Variants in RAB40B observed in about 807,000 individuals in gnomAD.
RAB40B encodes the protein ras-related protein Rab-40B.
Under a neutral mutation model 24.0 loss-of-function variants are expected in RAB40B, and 21 were observed. The ratio of observed to expected loss-of-function variants is 0.88; its 90% confidence interval spans 0.62 to 1.26. The LOEUF (loss-of-function observed/expected upper bound fraction) is 1.26, where lower values mean the gene tolerates loss of function less well. RAB40B is among the 50% of genes most tolerant of loss of function. The pLI is 0.00. For missense variants in RAB40B, 348 were observed against 390.5 expected, an observed-to-expected ratio of 0.89 and a Z score of 0.92; for synonymous variants, 167 against 169.8, an observed-to-expected ratio of 0.98 and a Z score of 0.13.
In RAB40B at chr17:82,657,898, TG is replaced by T. The variant is rs764520009; in HGVS notation, c.801del (p.Asn269ThrfsTer83). Reference protein sequence around the residue: ...VKLVRPPQSPPKNCTRNSCKI... With the variant: ...VKLVRPPQSPXKNCTRNSCKI... ...TTGCAGCTGTTTCTGGTGCAGTTTT[TG>T]GGGGGGCTCTGGGGGGGGCGGACGA... On this transcript the variant is annotated frameshift_variant, in exon 6 of 6. Coordinates refer to ENST00000571995, the MANE Select transcript of RAB40B (RefSeq NM_006822.3). LOFTEE classifies it low-confidence loss of function (END_TRUNC). 3 of 462,686 alleles carry T rather than the reference TG, an allele frequency of 6.5e-6. No homozygotes were observed. Among genetic ancestry groups the T allele is most frequent in the Non-Finnish European group, 9.5e-6 (3 of 316,660 alleles). The allele number at this position is 462,686 out of a possible 1,614,324, so 28.7% of individuals were successfully genotyped here. A position where few individuals can be genotyped will look rare whatever the true frequency, so the allele number is the denominator to read the frequency against.
Position 82,692,963 on chromosome 17 carries a change from A to T in RAB40B, c.142+5492T>A, listed in dbSNP as rs1165100413. On this transcript the variant is annotated intron_variant, in intron 1 of 5. Coordinates refer to ENST00000571995, the MANE Select transcript of RAB40B (RefSeq NM_006822.3). This position sits in a 1 kb window ranked among gnomAD's most constrained non-coding sequence, Gnocchi z 4.0. ...AGAAATTCAACCTAAATGAAAAAAC[A>T]GACATAAGACTTGGGCATTTTTCTT... 6.6e-6 allele frequency among the ~76,000 whole-genome samples: 1 copy of T among 152,152 alleles called. No individual in the cohort carries two copies. The highest frequency in any genetic ancestry group is 2.4e-5 in the African/African-American group (1 of 41,430).
rs550446544 is a variant in RAB40B at position 82,676,444 on chromosome 17, C to G, written c.143-11888G>C. On this transcript the variant is annotated intron_variant, in intron 1 of 5. Transcript: ENST00000571995. ...CTCACCTTCAACAGCCTCTCCCCCC[C>G]CACACAGGGCACCCCCGACCTTCAA... Among the ~76,000 whole-genome samples, 151 of 148,432 alleles carry G rather than the reference C, an allele frequency of 1.0e-3. 1 individual carries two copies. The highest frequency in any genetic ancestry group is 3.6e-3 in the African/African-American group (147 of 40,472).
At chr17:82,681,018 CTCAAAAAAAA>C (rs765386184) in intron 1 of RAB40B, among the ~76,000 whole-genome samples, 2 of 40,782 alleles carry the variant, frequency 4.9e-5, no homozygotes, top group South Asian at 1.2e-3. Context: ...AAGACTCCAT[CTCAAAAAAAA>C]AAAAAAAAAA....
intron 1 of RAB40B, among the ~76,000 whole-genome samples, chr17:82,672,186 G>C (rs1167318936): frequency 9.3e-6 from 1 of 107,748 alleles, no homozygotes; most frequent in Admixed American, 1.1e-4. Context: ...ACACTCACAT[G>C]CTCCCTGTAC....
intron 1 of RAB40B, among the ~76,000 whole-genome samples, chr17:82,688,548 G>A (rs775845510): frequency 2.0e-5 from 3 of 152,058 alleles, no homozygotes; most frequent in South Asian, 2.1e-4. Flanking sequence ...GCCGGGAGGC[G>A]GAGGGTGCAG....
rs1410387890 is a variant in RAB40B, at chr17:82,658,604, G to C, written c.452C>G (p.Thr151Ser). ...GCACAGAGGGCTGACCTCAAAGAAG[G>C]TCACGCCCAGGCGCTCGGCGTAGGC... is the stretch of plus-strand genomic sequence containing the variant. ...AQAYAERLGV[T>S]FFEVSPLCNF... Residue 151 changes from threonine (T) to serine (S), a missense_variant, in exon 5 of 6, where the codon ACC becomes AGC. Around this residue, in one of 3 missense-constraint regions of RAB40B, gnomAD observed 126 missense variants for 181.0 expected, o/e 0.70. Coordinates refer to ENST00000571995, the MANE Select transcript of RAB40B (RefSeq NM_006822.3). 2 of 1,613,434 alleles carry C rather than the reference G, an allele frequency of 1.2e-6. No individual in the cohort carries two copies. Among genetic ancestry groups the C allele is most frequent in the South Asian group, 2.2e-5 (2 of 91,086 alleles).
chr17:82,689,916 G>A (rs1043661335), intron 1 of RAB40B, among the ~76,000 whole-genome samples: 1 of 148,558 alleles, frequency 6.7e-6, no homozygotes, highest in Admixed American at 6.8e-5. Context: ...GCAGTGAACC[G>A]AGATCGTGCC....
intron 4 of RAB40B, chr17:82,658,962 G>A: frequency 2.0e-6 from 1 of 490,616 alleles, no homozygotes; most frequent in Admixed American, 3.4e-5. Context: ...CTCGGAGGAG[G>A]CCATGTTACG....
intron 1 of RAB40B, among the ~76,000 whole-genome samples, chr17:82,679,839 G>T (rs1402965157): frequency 8.7e-6 from 1 of 115,008 alleles, no homozygotes; most frequent in Non-Finnish European, 1.9e-5. Flanking sequence ...AAGGAACACG[G>T]CCCAGAAGCA....
chr17:82,665,243 A>G (rs2046240328), intron 1 of RAB40B, among the ~76,000 whole-genome samples: 1 of 134,864 alleles, frequency 7.4e-6, no homozygotes, highest in Non-Finnish European at 1.6e-5. Flanking sequence ...AAAACCCGAG[A>G]ATGCCTTTCT....
At chr17:82,678,938 A>G (rs868636796) in intron 1 of RAB40B, among the ~76,000 whole-genome samples, 2 of 125,658 alleles carry the variant, frequency 1.6e-5, no homozygotes, top group African/African-American at 6.1e-5. Flanking sequence ...GCTGGAGTGC[A>G]GTGGCGCCAT....
intron 1 of RAB40B, among the ~76,000 whole-genome samples, chr17:82,669,984 T>C (rs1478169030): frequency 6.6e-6 from 1 of 152,090 alleles, no homozygotes; most frequent in Non-Finnish European, 1.5e-5. Context: ...AATGAACGAA[T>C]ACACTTGGGA....
intron 1 of RAB40B, among the ~76,000 whole-genome samples, chr17:82,676,846 G>A (rs1280503712): frequency 2.0e-5 from 3 of 151,948 alleles, no homozygotes; most frequent in African/African-American, 7.2e-5. Flanking sequence ...GGCTGGTCTC[G>A]AACTCCTGAC....
At chr17:82,664,067 G>T (rs1418159420) in intron 2 of RAB40B, among the ~76,000 whole-genome samples, 1 of 143,344 alleles carries the variant, frequency 7.0e-6, no homozygotes, top group Non-Finnish European at 1.5e-5. Context: ...GCCGACGGTG[G>T]TGGGGGGAGG....
In RAB40B at chr17:82,672,243, G is replaced by A. The variant is rs1279837502; in HGVS notation, c.143-7687C>T. Among the ~76,000 whole-genome samples, 755 of 111,524 alleles carry A rather than the reference G, an allele frequency of 6.8e-3. 141 individuals carry two copies. Among genetic ancestry groups the A allele is most frequent in the South Asian group, 0.013 (38 of 2,844 alleles). The allele number at this position is 111,524 out of a possible 152,430, so 73.2% of individuals were successfully genotyped here. A position where few individuals can be genotyped will look rare whatever the true frequency, so the allele number is the denominator to read the frequency against. On this transcript the variant is annotated intron_variant, in intron 1 of 5. Transcript: ENST00000571995. ...GTAACTCTAACACACACACTCACAC[G>A]CTCCCTGTACTCACTGACACACCCC...
chr17:82,689,901 A>C (rs1360414503), intron 1 of RAB40B, among the ~76,000 whole-genome samples: 1 of 148,322 alleles, frequency 6.7e-6, no homozygotes, highest in African/African-American at 2.5e-5. Context: ...CAGGAGGCGG[A>C]GGTTGCAGTG....
In RAB40B at chr17:82,664,555, GC is replaced by G; in HGVS notation, c.143del (p.Gly48AlafsTer16). On this transcript the variant is annotated frameshift_variant and splice_region_variant, in exon 2 of 6. Transcript: ENST00000571995. LOFTEE classifies it high-confidence loss of function. ...GGATGGTGGTCGTCTTGTAGTCGAT[GC>G]CTGCGGAAGGGTTAGAGACGGCTTA... is the stretch of plus-strand genomic sequence containing the variant. ...AAESPYGHPA[G>X]IDYKTTTILL... The G allele has an allele frequency of 6.2e-7, 1 of 1,613,612 alleles. No homozygotes were observed. The highest frequency in any genetic ancestry group is 8.5e-7 in the Non-Finnish European group (1 of 1,179,588).
Position 82,671,331 on chromosome 17 carries a change from TCTGTA to T in RAB40B, c.143-6780_143-6776del, listed in dbSNP as rs896265812. On this transcript the variant is annotated intron_variant, in intron 1 of 5. Coordinates refer to ENST00000571995, the MANE Select transcript of RAB40B (RefSeq NM_006822.3). Reference sequence around the variant, plus strand: ...GTAACTCTAACACACTCACACGCTCTCTGTACTGACACACCTCACCCCTGTAACTC... The same window carrying T: ...GTAACTCTAACACACTCACACGCTCTCTGACACACCTCACCCCTGTAACTC... Among the ~76,000 whole-genome samples the T allele has an allele frequency of 5.0e-5, 5 of 100,888 alleles. No individual in the cohort carries two copies. In the East Asian group the frequency reaches 9.0e-4, roughly 18 times the overall value. The allele number at this position is 100,888 out of a possible 152,430, so 66.2% of individuals were successfully genotyped here. A position where few individuals can be genotyped will look rare whatever the true frequency, so the allele number is the denominator to read the frequency against.
chr17:82,664,805 A>AG, intron 1 of RAB40B: 1 of 452,206 alleles, frequency 2.2e-6, no homozygotes, highest in Non-Finnish European at 4.0e-6. Context: ...ACCCTGGCCC[A>AG]GGGGGCTCCC....
Sources: gnomAD v4.1 joint callset for allele counts (sites outside exome capture counted in the v4.1 genomes callset) on GRCh38, gnomAD v4.1.1 for gene constraint, gnomAD v4.1.1 regional missense constraint, Gnocchi (gnomAD v3.1) non-coding constraint, MANE v1.5 for transcripts, NCBI Gene and HGNC (gene_info 2026-07-23, HGNC 2026-07-21) for gene names.